Variants in LRIG2 observed in about 807,000 individuals in gnomAD.
LRIG2 encodes the protein leucine-rich repeats and immunoglobulin-like domains protein 2.
Under a neutral mutation model 107.8 loss-of-function variants are expected in LRIG2, and 93 were observed. The observed-to-expected ratio is 0.86, with a 90% CI of 0.73 to 1.03. The LOEUF (loss-of-function observed/expected upper bound fraction) is 1.03. Ranked by LOEUF, LRIG2 falls within the 50% of genes least tolerant of loss-of-function variation. The probability of loss-of-function intolerance (pLI) is 0.00; values close to 1 mark genes in which losing one functional copy is unlikely to be tolerated. For missense variants in LRIG2, 1,226 were observed against 1,296.0 expected, an observed-to-expected ratio of 0.95 and a Z score of 0.83; for synonymous variants, 471 against 470.6, an observed-to-expected ratio of 1.00 and a Z score of -0.01.
chr1:113,100,841 G>A (rs917470957), intron 11 of LRIG2: 3 of 169,808 alleles, frequency 1.8e-5, no homozygotes, highest in Non-Finnish European at 3.8e-5. Context: ...TTACAATAAA[G>A]GTATTATGTG....
intron 13 of LRIG2, 77 bp from the exon 14 acceptor site, chr1:113,112,402 C>A (rs534807480): frequency 3.0e-6 from 4 of 1,343,122 alleles, no homozygotes; most frequent in Admixed American, 2.1e-5. Flanking sequence ...CTACTAGATT[C>A]TTTCATGCCT....
At chr1:113,094,262 G>C (rs975546369) in intron 4 of LRIG2, 77 bp from the exon 5 acceptor site, 2 of 1,082,364 alleles carry the variant, frequency 1.8e-6, no homozygotes, top group African/African-American at 3.2e-5. Flanking sequence ...CTTAGACATA[G>C]ATTTTTGGCA....
rs574782800 is a variant in LRIG2, at chr1:113,096,081, C to T, written c.947+64C>T. On this transcript the variant is annotated intron_variant, in intron 7 of 17. Transcript: ENST00000361127. Reference sequence around the variant, plus strand: ...CTAGAGCAGATTGGAATAAATCATTCCCATGGGCAGTAATGAGATGTAACA... The same window carrying T: ...CTAGAGCAGATTGGAATAAATCATTTCCATGGGCAGTAATGAGATGTAACA... The T allele has an allele frequency of 6.3e-4, 1,014 of 1,601,930 alleles. 1 individual carries two copies. Among genetic ancestry groups the T allele is most frequent in the Non-Finnish European group, 7.3e-4 (856 of 1,170,054 alleles).
intron 11 of LRIG2, chr1:113,103,457 C>T (rs777870197): frequency 1.2e-4 from 18 of 152,224 alleles, no homozygotes; most frequent in African/African-American, 2.4e-5. Context: ...TGCTGTTTCC[C>T]TACTGTCTCT....
chr1:113,122,733 A>G (rs1053790996), intron 17 of LRIG2, among the ~76,000 whole-genome samples: 3 of 152,202 alleles, frequency 2.0e-5, no homozygotes, highest in Non-Finnish European at 4.4e-5. Context: ...GACTATCAGC[A>G]TCACCGTTAC....
At chr1:113,116,067 C>A (rs896958305) in intron 15 of LRIG2, among the ~76,000 whole-genome samples, 1 of 152,088 alleles carries the variant, frequency 6.6e-6, no homozygotes, top group African/African-American at 2.4e-5. Flanking sequence ...AAGATTTCAA[C>A]CTTTAGGTTT....
At chr1:113,093,350 A>G in intron 3 of LRIG2, 70 bp downstream of exon 3, 2 of 1,560,614 alleles carry the variant, frequency 1.3e-6, no homozygotes, top group Non-Finnish European at 1.7e-6. Flanking sequence ...TAAAGCACAT[A>G]TATTGTTGAT....
chr1:113,093,623 TGGGGTGG>T, intron 4 of LRIG2, 59 bp downstream of exon 4: 2 of 134,022 alleles, frequency 1.5e-5, no homozygotes, highest in Non-Finnish European at 2.9e-5. Flanking sequence ...GGGACTGTTG[TGGGGTGG>T]GGGGAGGGGG....
rs137907257 is a variant in LRIG2, at chr1:113,099,318, G to T, written c.1172+533G>T. Reference sequence around the variant, plus strand: ...TGTGGTGCAATCACAGCTCACAGCAGCTTCAACCTCCTAGGCTCAAGTGAT... The same window carrying T: ...TGTGGTGCAATCACAGCTCACAGCATCTTCAACCTCCTAGGCTCAAGTGAT... On this transcript the variant is annotated intron_variant, in intron 9 of 17. Coordinates refer to ENST00000361127, the MANE Select transcript of LRIG2 (RefSeq NM_014813.3). Among the ~76,000 whole-genome samples the T allele has an allele frequency of 1.1e-3, 160 of 147,196 alleles. 1 individual carries two copies. The highest frequency in any genetic ancestry group is 2.1e-4 in the Non-Finnish European group (14 of 67,352).
At chr1:113,107,874 T>G in intron 12 of LRIG2, 117 bp downstream of exon 12, 1 of 883,502 alleles carries the variant, frequency 1.1e-6, no homozygotes, top group Non-Finnish European at 1.7e-6. Flanking sequence ...CAGTTTTAAT[T>G]GCCATTAAAA....
intron 14 of LRIG2, among the ~76,000 whole-genome samples, chr1:113,113,397 C>T (rs769748218): frequency 8.6e-5 from 13 of 151,082 alleles, no homozygotes; most frequent in South Asian, 4.2e-4. Context: ...TACTTTTCTT[C>T]GTGGAACTCA....
intron 1 of LRIG2, 29 bp downstream of exon 1, chr1:113,073,674 A>C (rs781550743): frequency 6.3e-7 from 1 of 1,589,870 alleles, no homozygotes; most frequent in Non-Finnish European, 8.6e-7. Context: ...CAGAGTGACC[A>C]AAAGGAGGGG....
chr1:113,104,592 A>G (rs1454057324), intron 11 of LRIG2, among the ~76,000 whole-genome samples: 1 of 151,126 alleles, frequency 6.6e-6, no homozygotes, highest in Non-Finnish European at 1.5e-5. Flanking sequence ...ATCTCAGCTC[A>G]CTGCAGCCTC....
intron 1 of LRIG2, among the ~76,000 whole-genome samples, chr1:113,077,296 C>G (rs905611790): frequency 4.6e-5 from 7 of 152,100 alleles, no homozygotes; most frequent in Non-Finnish European, 8.8e-5. Flanking sequence ...TGCCCTCCAC[C>G]ATGCCCAGCT....
intron 8 of LRIG2, 31 bp downstream of exon 8, chr1:113,096,396 T>C (rs2101038822): frequency 6.3e-7 from 1 of 1,593,224 alleles, no homozygotes; most frequent in Middle Eastern, 1.7e-4. Context: ...TTTTGGTTGT[T>C]GTTACTGATT....
intron 1 of LRIG2, among the ~76,000 whole-genome samples, chr1:113,089,066 G>C (rs115976004): frequency 6.6e-6 from 1 of 152,200 alleles, no homozygotes; most frequent in Non-Finnish European, 1.5e-5. Context: ...GCTCTTAAAT[G>C]AAAGTGGCTA....
intron 11 of LRIG2, 50 bp downstream of exon 11, chr1:113,100,538 T>G: frequency 8.9e-7 from 1 of 1,119,130 alleles, no homozygotes; most frequent in Non-Finnish European, 1.3e-6. Flanking sequence ...TGTTCCTGCT[T>G]GTTGTGCTTA....
chr1:113,120,310 CATG>C (rs1298341261), intron 17 of LRIG2, among the ~76,000 whole-genome samples: 3 of 151,406 alleles, frequency 2.0e-5, no homozygotes, highest in Non-Finnish European at 4.4e-5. Context: ...ATTAGCCTAA[CATG>C]GTGGTGCATG....
chr1:113,110,051 T>C lies in LRIG2; in HGVS notation c.1478-191T>C, dbSNP rs149655231. Among the ~76,000 whole-genome samples the C allele has an allele frequency of 4.7e-3, 710 of 152,314 alleles. 10 individuals are homozygous for C. The highest frequency in any genetic ancestry group is 0.016 in the African/African-American group (684 of 41,566). On this transcript the variant is annotated intron_variant, in intron 12 of 17. Coordinates refer to ENST00000361127, the MANE Select transcript of LRIG2 (RefSeq NM_014813.3). ...ACTGACTGACATGTCTTTGAGCAAG[T>C]CATTTGAATTTTCTGGGCCTCATTT...
Sources: allele counts gnomAD v4.1 joint callset (sites outside exome capture counted in the v4.1 genomes callset), GRCh38; gene constraint gnomAD v4.1.1; transcripts MANE v1.5; gene names NCBI Gene and HGNC (gene_info 2026-07-23, HGNC 2026-07-21).